Variants in NAALADL2 observed in about 807,000 individuals in gnomAD.
The protein encoded by NAALADL2 is inactive N-acetylated-alpha-linked acidic dipeptidase-like protein 2.
Under a neutral mutation model 87.2 loss-of-function variants are expected in NAALADL2, and 76 were observed. The observed-to-expected ratio is 0.87, with a 90% confidence interval of 0.72 to 1.05. The LOEUF (loss-of-function observed/expected upper bound fraction) is 1.05. Ranked by LOEUF, NAALADL2 falls within the 50% of genes least tolerant of loss-of-function variation. The probability of loss-of-function intolerance (pLI) is 0.00; values close to 1 mark genes in which losing one functional copy is unlikely to be tolerated. For synonymous variants in NAALADL2, 354 were observed against 331.0 expected (o/e 1.07, Z -0.75); for missense variants, 1,089 against 945.8 (o/e 1.15, Z -1.99).
intron 1 of NAALADL2, among the ~76,000 whole-genome samples, chr3:174,998,055 A>C (rs141949300): frequency 7.5e-4 from 114 of 152,306 alleles, no homozygotes; most frequent in African/African-American, 2.6e-3. Context: ...CTTTTATTGT[A>C]ATTTCTAATC....
intron 11 of NAALADL2, among the ~76,000 whole-genome samples, chr3:175,634,662 G>C (rs1479474408): frequency 1.3e-5 from 2 of 151,890 alleles, no homozygotes; most frequent in African/African-American, 2.4e-5. Flanking sequence ...TCATCTGAAT[G>C]AGCAAATCTG....
chr3:175,691,392 T>TTG (rs1039447534), intron 11 of NAALADL2, among the ~76,000 whole-genome samples: 11 of 151,274 alleles, frequency 7.3e-5, no homozygotes, highest in East Asian at 1.9e-4. Context: ...ACTGTTTTAT[T>TTG]TGTGTGTGTG....
At chr3:174,922,502 C>T (rs1033028375) in intron 1 of NAALADL2, among the ~76,000 whole-genome samples, 5 of 152,136 alleles carry the variant, frequency 3.3e-5, no homozygotes, top group African/African-American at 1.2e-4. Context: ...TAGGACAGCA[C>T]TATTACCTAA....
intron 9 of NAALADL2, among the ~76,000 whole-genome samples, chr3:175,566,675 A>C (rs1469733058): frequency 6.6e-6 from 1 of 152,164 alleles, no homozygotes; most frequent in East Asian, 1.9e-4. Context: ...GACTAAATAT[A>C]AAAGTCGCTT....
chr3:175,506,191 A>G (rs1242214137), intron 9 of NAALADL2, among the ~76,000 whole-genome samples: 1 of 152,174 alleles, frequency 6.6e-6, no homozygotes, highest in African/African-American at 2.4e-5. Context: ...AAATAAAATA[A>G]AAAAACCTTA....
chr3:175,338,979 A>T (rs1041241970), intron 5 of NAALADL2, among the ~76,000 whole-genome samples: 4 of 152,206 alleles, frequency 2.6e-5, no homozygotes, highest in African/African-American at 9.6e-5. Flanking sequence ...GAAGAGCAGC[A>T]ATTAGAAACA....
intron 3 of NAALADL2, among the ~76,000 whole-genome samples, chr3:175,238,061 G>GTT (rs1045962374): frequency 1.3e-5 from 2 of 151,624 alleles, no homozygotes; most frequent in East Asian, 3.9e-4. Flanking sequence ...TGGGTGGGGT[G>GTT]TTTTTTTTAA....
intron 1 of NAALADL2, among the ~76,000 whole-genome samples, chr3:174,861,086 T>C (rs901212054): frequency 2.6e-5 from 4 of 152,082 alleles, no homozygotes; most frequent in East Asian, 1.9e-4. Context: ...AAATCAGTTA[T>C]ATACTAGGGA....
chr3:174,470,092 T>C (rs199550320), intron 1 of NAALADL2, among the ~76,000 whole-genome samples: 16,752 of 150,624 alleles, frequency 0.11, 1,619 homozygotes, highest in East Asian at 0.43. Context: ...TTAACACTAC[T>C]ATATATCCAT....
chr3:175,614,423 T>A (rs1324181698), intron 10 of NAALADL2, among the ~76,000 whole-genome samples: 1 of 152,212 alleles, frequency 6.6e-6, no homozygotes, highest in African/African-American at 2.4e-5. Flanking sequence ...CTTGAAAATG[T>A]TTAGAAGCTC....
At chr3:175,796,021 A>G (rs1369546019) in intron 13 of NAALADL2, among the ~76,000 whole-genome samples, 5 of 132,860 alleles carry the variant, frequency 3.8e-5, no homozygotes, top group African/African-American at 1.4e-4. Context: ...CCAGCAGGCT[A>G]ACTAACCCCT....
chr3:174,810,199 G>T (rs1916232), intron 3 of NAALADL2, among the ~76,000 whole-genome samples: 7 of 152,156 alleles, frequency 4.6e-5, no homozygotes, highest in Non-Finnish European at 1.0e-4. Context: ...GGACATTGCT[G>T]TAAAAATACC....
At chr3:175,309,018 T>G (rs1209055926) in intron 4 of NAALADL2, among the ~76,000 whole-genome samples, 2 of 152,176 alleles carry the variant, frequency 1.3e-5, no homozygotes, top group African/African-American at 2.4e-5. Flanking sequence ...GCTGTTTGTA[T>G]CTGTACTCAT....
At chr3:175,138,440 C>T (rs760819048) in intron 2 of NAALADL2, among the ~76,000 whole-genome samples, 1 of 151,946 alleles carries the variant, frequency 6.6e-6, no homozygotes, top group Non-Finnish European at 1.5e-5. Flanking sequence ...CATAACACCC[C>T]AACAGGGTTT....
At chr3:175,600,088 AT>A (rs1235609631) in intron 10 of NAALADL2, among the ~76,000 whole-genome samples, 3 of 152,000 alleles carry the variant, frequency 2.0e-5, no homozygotes, top group Non-Finnish European at 4.4e-5. Flanking sequence ...ATATCATTTT[AT>A]ATATGTGCAT....
intron 11 of NAALADL2, among the ~76,000 whole-genome samples, chr3:175,698,912 A>G (rs1738585351): frequency 1.3e-5 from 2 of 151,940 alleles, no homozygotes; most frequent in African/African-American, 4.8e-5. Context: ...GAAGAGTGCT[A>G]AGCACACATA....
At chr3:175,622,886 A>G (rs1726426311) in intron 10 of NAALADL2, among the ~76,000 whole-genome samples, 2 of 152,144 alleles carry the variant, frequency 1.3e-5, no homozygotes, top group Admixed American at 6.6e-5. Flanking sequence ...GTAATCTTAA[A>G]CAGATGAGTA....
At chr3:175,776,316 A>T (rs1750235470) in intron 13 of NAALADL2, 1 of 151,996 alleles carries the variant, frequency 6.6e-6, no homozygotes, top group Non-Finnish European at 1.5e-5. Flanking sequence ...TCGCTCATTC[A>T]TTCTTTCAAC....
chr3:175,732,627 T>C (rs866528517), intron 11 of NAALADL2, among the ~76,000 whole-genome samples: 5 of 152,100 alleles, frequency 3.3e-5, no homozygotes, highest in African/African-American at 4.8e-5. Context: ...CCTCATCGTG[T>C]GCTTTGAGAA....
Sources: allele counts gnomAD v4.1 joint callset (sites outside exome capture counted in the v4.1 genomes callset), GRCh38; gene constraint gnomAD v4.1.1; transcripts MANE v1.5; gene names NCBI Gene and HGNC (gene_info 2026-07-23, HGNC 2026-07-21).